MAP4K5: variants seen among roughly 807,000 people sequenced by gnomAD.
MAP4K5 encodes mitogen-activated protein kinase kinase kinase kinase 5, also known as MAPK/ERK kinase kinase kinase 5.
In MAP4K5, 82 loss-of-function variants were observed where a neutral mutation model predicts 135.6. That is an observed-to-expected ratio of 0.60 (90% CI 0.51 to 0.73). The LOEUF (loss-of-function observed/expected upper bound fraction) is 0.73. MAP4K5 is among the 30% of genes least tolerant of loss of function. The pLI, the probability that MAP4K5 is intolerant of heterozygous loss-of-function variation, is 0.00. For synonymous variants in MAP4K5, 347 were observed against 335.0 expected (o/e 1.04, Z -0.39); for missense variants, 907 against 1,010.9 (o/e 0.90, Z 1.39).
intron 6 of MAP4K5, among the ~76,000 whole-genome samples, chr14:50,478,757 G>A (rs755914948): frequency 1.3e-5 from 2 of 152,030 alleles, no homozygotes; most frequent in Non-Finnish European, 2.9e-5. Flanking sequence ...TGTTCTTTCA[G>A]TGTTTGTAAG....
At chr14:50,495,402 A>T (rs1032608095) in intron 3 of MAP4K5, among the ~76,000 whole-genome samples, 12 of 152,184 alleles carry the variant, frequency 7.9e-5, no homozygotes, top group African/African-American at 1.7e-4. Flanking sequence ...GGCTACAATT[A>T]AAAAAAGCAG....
In MAP4K5 at chr14:50,442,708, G is replaced by A. The variant is rs181999552; in HGVS notation, c.1564+24C>T. 10 of 1,326,854 alleles carry A rather than the reference G, an allele frequency of 7.5e-6. No individual in the cohort carries two copies. In the Admixed American group the frequency reaches 1.4e-4, roughly 18 times the overall value. 82.2% of individuals were successfully genotyped at this position (1,326,854 alleles called of 1,614,324 possible). A position where few individuals can be genotyped will look rare whatever the true frequency, so the allele number is the denominator to read the frequency against. On this transcript the variant is annotated intron_variant, in intron 21 of 32. Coordinates refer to ENST00000682126, the MANE Select transcript of MAP4K5 (RefSeq NM_006575.6). Reference sequence around the variant, plus strand: ...CCATAATAAATATTTTATTGGAGATGTATATAAAATTCAAACATTTTACCT... The same window carrying A: ...CCATAATAAATATTTTATTGGAGATATATATAAAATTCAAACATTTTACCT...
At chr14:50,475,945 G>A (rs903680862) in intron 8 of MAP4K5, among the ~76,000 whole-genome samples, 183 bp downstream of exon 8, 1 of 151,888 alleles carries the variant, frequency 6.6e-6, no homozygotes, top group African/African-American at 2.4e-5. Flanking sequence ...CCATCTTTAG[G>A]TTTAATTTCC....
At chr14:50,549,155 C>A (rs991814294) in intron 1 of MAP4K5, among the ~76,000 whole-genome samples, 1 of 152,138 alleles carries the variant, frequency 6.6e-6, no homozygotes, top group Non-Finnish European at 1.5e-5. Context: ...CCAGGCCAAC[C>A]ATTGTATATA....
At chr14:50,519,166 A>G (rs906222070) in intron 2 of MAP4K5, among the ~76,000 whole-genome samples, 4 of 151,136 alleles carry the variant, frequency 2.6e-5, no homozygotes, top group African/African-American at 9.9e-5. Context: ...TTTACTGACA[A>G]AAAGTTGTTA....
intron 13 of MAP4K5, among the ~76,000 whole-genome samples, chr14:50,460,240 T>C (rs2036681725): frequency 1.3e-5 from 2 of 152,144 alleles, no homozygotes; most frequent in South Asian, 4.1e-4. Flanking sequence ...AATTATTCGT[T>C]GGTACTTCTG....
intron 14 of MAP4K5, chr14:50,450,359 G>C (rs547037161): frequency 6.6e-6 from 1 of 152,224 alleles, no homozygotes; most frequent in Admixed American, 6.5e-5. Flanking sequence ...CTGTTTGGAG[G>C]CAATGCACCA....
intron 32 of MAP4K5, among the ~76,000 whole-genome samples, chr14:50,420,782 T>G (rs1417405648): frequency 1.3e-5 from 2 of 152,128 alleles, no homozygotes; most frequent in Non-Finnish European, 2.9e-5. Flanking sequence ...CAAACTGTTC[T>G]TCAAGGTATT....
intron 13 of MAP4K5, among the ~76,000 whole-genome samples, chr14:50,461,813 G>C (rs2036717357): frequency 6.6e-6 from 1 of 152,160 alleles, no homozygotes; most frequent in Middle Eastern, 3.4e-3. Flanking sequence ...CAGCTACTCA[G>C]GAGGCTGAGG....
intron 10 of MAP4K5, 174 bp downstream of exon 10, chr14:50,468,477 G>A: frequency 1.7e-6 from 1 of 586,798 alleles, no homozygotes; most frequent in East Asian, 2.8e-5. Flanking sequence ...AATGAATTGA[G>A]GTAACTACCT....
intron 2 of MAP4K5, among the ~76,000 whole-genome samples, chr14:50,512,797 T>C (rs2037957268): frequency 1.3e-5 from 2 of 152,210 alleles, no homozygotes; most frequent in South Asian, 4.1e-4. Flanking sequence ...CAAAAGAGTT[T>C]TGGAGTACCA....
intron 6 of MAP4K5, 134 bp downstream of exon 6, chr14:50,482,227 T>A (rs988108167): frequency 5.7e-6 from 3 of 522,136 alleles, no homozygotes; most frequent in Middle Eastern, 5.0e-4. Context: ...AGAAAAATCA[T>A]TTTGTTTTAC....
chr14:50,539,397 C>T (rs1419307014), intron 2 of MAP4K5, among the ~76,000 whole-genome samples: 1 of 152,212 alleles, frequency 6.6e-6, no homozygotes, highest in Non-Finnish European at 1.5e-5. Flanking sequence ...AAATACCAGG[C>T]ATGAATAGAA....
At chr14:50,439,602 T>C (rs1417683898) in intron 23 of MAP4K5, among the ~76,000 whole-genome samples, 1 of 152,144 alleles carries the variant, frequency 6.6e-6, no homozygotes, top group Non-Finnish European at 1.5e-5. Context: ...CATCCTCATT[T>C]TATAATTAAG....
intron 2 of MAP4K5, among the ~76,000 whole-genome samples, chr14:50,529,193 G>C (rs750303936): frequency 6.6e-6 from 1 of 151,822 alleles, no homozygotes; most frequent in Non-Finnish European, 1.5e-5. Context: ...GACCAGACTG[G>C]GAAACATGGC....
At chr14:50,446,443 T>C (rs1264331755) in intron 16 of MAP4K5, among the ~76,000 whole-genome samples, 1 of 152,218 alleles carries the variant, frequency 6.6e-6, no homozygotes, top group Non-Finnish European at 1.5e-5. Flanking sequence ...TTGGGACCCA[T>C]AGATTCAAGT....
intron 26 of MAP4K5, among the ~76,000 whole-genome samples, chr14:50,436,991 T>C (rs766626310): frequency 2.6e-5 from 4 of 151,372 alleles, no homozygotes; most frequent in African/African-American, 4.8e-5. Context: ...ATCGTAACTA[T>C]GAGTATAACT....
intron 2 of MAP4K5, among the ~76,000 whole-genome samples, chr14:50,520,055 A>G (rs1240580469): frequency 6.6e-6 from 1 of 152,210 alleles, no homozygotes; most frequent in Non-Finnish European, 1.5e-5. Flanking sequence ...TGTGAGAAAT[A>G]ACACATTATT....
At chr14:50,524,821 G>C (rs1314015564) in intron 2 of MAP4K5, among the ~76,000 whole-genome samples, 1 of 152,076 alleles carries the variant, frequency 6.6e-6, no homozygotes, top group African/African-American at 2.4e-5. Flanking sequence ...TACAGACAAA[G>C]GAAATAAAGG....
Sources: allele counts gnomAD v4.1 joint callset (sites outside exome capture counted in the v4.1 genomes callset), GRCh38; gene constraint gnomAD v4.1.1; transcripts MANE v1.5; gene names NCBI Gene and HGNC (gene_info 2026-07-23, HGNC 2026-07-21).